TJAP1: variants seen among roughly 807,000 people sequenced by gnomAD.
TJAP1 encodes tight junction associated protein 1, also known as tight junction-associated protein 1.
TJAP1 carries 27 observed loss-of-function variants against 42.0 expected under a neutral mutation model. That is an observed-to-expected ratio of 0.64 (90% CI 0.47 to 0.89). The LOEUF (loss-of-function observed/expected upper bound fraction) is 0.89. Among genes scored for constraint, TJAP1 ranks in the 40% least tolerant of loss-of-function variants. The pLI is 0.00. For missense variants in TJAP1, 712 were observed against 726.9 expected (o/e 0.98, Z 0.24); for synonymous variants, 257 against 288.4 (o/e 0.89, Z 1.10).
chr6:43,499,950 C>T (rs951796818), intron 4 of TJAP1, among the ~76,000 whole-genome samples: 2 of 152,140 alleles, frequency 1.3e-5, no homozygotes, highest in South Asian at 2.1e-4. Flanking sequence ...AACTAAGGCT[C>T]GGTGAGGTGA....
Position 43,491,520 on chromosome 6 carries a change from C to T in TJAP1, c.-121-6361C>T, listed in dbSNP as rs1371148875. ...AGTCAGGCTGGTCTCGAACTCCCGA[C>T]CTCAGGTGATCTGCCCGCCTTGGCC... On this transcript the variant is annotated intron_variant, in intron 2 of 10. Coordinates refer to ENST00000372449, the Ensembl canonical transcript of TJAP1. This position sits in a 1 kb window ranked among gnomAD's most constrained non-coding sequence, Gnocchi z 4.6. Among the ~76,000 whole-genome samples the T allele has an allele frequency of 1.3e-5, 2 of 152,128 alleles. No individual in the cohort carries two copies. The highest frequency in any genetic ancestry group is 4.8e-5 in the African/African-American group (2 of 41,424).
intron 2 of TJAP1, among the ~76,000 whole-genome samples, chr6:43,496,725 C>T (rs563302586): frequency 3.9e-5 from 6 of 152,332 alleles, no homozygotes; most frequent in South Asian, 2.1e-4. Context: ...TGCTTTAGCC[C>T]GCAAGGCTTC....
intron 5 of TJAP1, 85 bp downstream of exon 5, chr6:43,500,857 T>A: frequency 1.3e-6 from 2 of 1,512,538 alleles, no homozygotes; most frequent in South Asian, 1.1e-5. Flanking sequence ...AGTTGGACTT[T>A]CCCTTGGATT....
At position 43,504,070 on chromosome 6, in the gene TJAP1, C is replaced by G. The variant is rs1008310712; in HGVS notation, c.579+364C>G. On this transcript the variant is annotated intron_variant, in intron 10 of 10. Coordinates refer to ENST00000372449, the Ensembl canonical transcript of TJAP1. The stretch of plus-strand genomic sequence containing the variant: ...AACTCTAGACCCCACAGCTTCAGGC[C>G]CAAGGTTTATGTGGCCTGCAGAAGT... 1.9e-5 allele frequency: 8 copies of G among 423,458 alleles called. 1 individual carries two copies. The Admixed American group carries it at 2.0e-4, about 11-fold the overall frequency. The allele number at this position is 423,458 out of a possible 1,614,324, so 26.2% of individuals were successfully genotyped here.
exon 11 of TJAP1, chr6:43,506,202 C>G: frequency 4.6e-6 from 1 of 218,972 alleles, no homozygotes; most frequent in Non-Finnish European, 8.9e-6. Flanking sequence ...TCCATCCTTT[C>G]ATAGTCACAA....
Position 43,498,970 on chromosome 6 carries a change from C to G in TJAP1, c.-24-8C>G. 6.2e-7 allele frequency: 1 copy of G among 1,611,230 alleles called. No homozygotes were observed. The highest frequency in any genetic ancestry group is 8.5e-7 in the Non-Finnish European group (1 of 1,179,292). ...CTCTGAGCCTGCCTCCTTCTTGCTT[C>G]TCAGCAGGCGGAGGAGCCGTCACCT... On this transcript the variant is annotated splice_region_variant and splice_polypyrimidine_tract_variant and intron_variant, in intron 3 of 10. Coordinates refer to ENST00000372449, the Ensembl canonical transcript of TJAP1.
chr6:43,494,528 C>G (rs78937406), intron 2 of TJAP1, among the ~76,000 whole-genome samples: 1 of 141,512 alleles, frequency 7.1e-6, no homozygotes, highest in Non-Finnish European at 1.5e-5. Flanking sequence ...GCTGTTCTTA[C>G]AGAACAGACC....
rs1452464218 is a variant in TJAP1 at position 43,478,076 on chromosome 6, C to T, written c.-267-11C>T. ...GAGGGAACTAAAGCCAGTCAAATGA[C>T]CCTCTTCTAGGCTTAGATCAGCCTT... On this transcript the variant is annotated splice_polypyrimidine_tract_variant and intron_variant, in intron 1 of 10. Transcript: ENST00000372449. The T allele has an allele frequency of 6.6e-6, 1 of 152,330 alleles. No individual in the cohort carries two copies. Among genetic ancestry groups the T allele is most frequent in the East Asian group, 1.9e-4 (1 of 5,178 alleles). 9.4% of individuals were successfully genotyped at this position (152,330 alleles called of 1,614,324 possible).
In TJAP1 at chr6:43,505,541, G is replaced by A. The variant is rs1481498392; in HGVS notation, c.1360G>A (p.Asp454Asn). Reference sequence around the variant, plus strand: ...TTTTGCCCATAGCCCCGCTGACAGAGATGAGGTGGTCCAGGCACCTTCTGC... The same window carrying A: ...TTTTGCCCATAGCCCCGCTGACAGAAATGAGGTGGTCCAGGCACCTTCTGC... Residue 454 changes from aspartate to asparagine, a missense_variant, in exon 11 of 11, where the codon GAT (aspartate) becomes AAT (asparagine). Physicochemically the swap from Asp to Asn is conservative, Grantham distance 23. This residue lies in a region of TJAP1 where 549 missense variants were observed against 528.2 expected (regional missense o/e 1.04). Coordinates refer to ENST00000372449, the Ensembl canonical transcript of TJAP1. This position sits in a 1 kb window ranked among gnomAD's most constrained non-coding sequence, Gnocchi z 5.5. The A allele has an allele frequency of 1.2e-6, 2 of 1,613,804 alleles. No homozygotes were observed. Among genetic ancestry groups the A allele is most frequent in the East Asian group, 2.2e-5 (1 of 44,900 alleles).
At chr6:43,488,052 G>A (rs1786950251) in intron 2 of TJAP1, among the ~76,000 whole-genome samples, 1 of 152,050 alleles carries the variant, frequency 6.6e-6, no homozygotes, top group African/African-American at 2.4e-5. Context: ...TGTATTTTTA[G>A]TAGAGACGGG....
rs532939574 is a variant in TJAP1 at position 43,495,474 on chromosome 6, C to T, written c.-121-2407C>T. Among the ~76,000 whole-genome samples the T allele has an allele frequency of 2.0e-5, 3 of 152,274 alleles. No individual in the cohort carries two copies. The South Asian group carries it at 6.2e-4, about 32-fold the overall frequency. On this transcript the variant is annotated intron_variant, in intron 2 of 10. Transcript: ENST00000372449. This position sits in a 1 kb window ranked among gnomAD's most constrained non-coding sequence, Gnocchi z 4.6. ...ACACCCTGTGTTTATGGACACAGGG[C>T]AGGAAGTGGTTGGTACACATCTCCC...
At chr6:43,500,881 G>A (rs1016469232) in intron 5 of TJAP1, 109 bp downstream of exon 5, 2 of 1,308,010 alleles carry the variant, frequency 1.5e-6, no homozygotes, top group South Asian at 1.2e-5. Flanking sequence ...TAGAAATAAA[G>A]GTTGGGATGG....
chr6:43,486,798 A>T (rs1318177059), intron 2 of TJAP1, among the ~76,000 whole-genome samples: 4 of 152,106 alleles, frequency 2.6e-5, no homozygotes, highest in Non-Finnish European at 5.9e-5. Context: ...AGTCCCATCT[A>T]GGCGTACTCA....
chr6:43,488,046 T>G (rs1230786341), intron 2 of TJAP1, among the ~76,000 whole-genome samples: 2 of 152,178 alleles, frequency 1.3e-5, no homozygotes, highest in Non-Finnish European at 2.9e-5. Context: ...ATTTTTTGTA[T>G]TTTTAGTAGA....
At chr6:43,501,948 CTCTCTCT>C (rs1790884710) in intron 6 of TJAP1, among the ~76,000 whole-genome samples, 1 of 147,016 alleles carries the variant, frequency 6.8e-6, no homozygotes, top group African/African-American at 2.5e-5. Flanking sequence ...CTCTCTCTCT[CTCTCTCT>C]CCTTTCATAG....
chr6:43,483,657 T>C (rs141971890), intron 2 of TJAP1, among the ~76,000 whole-genome samples: 154 of 152,348 alleles, frequency 1.0e-3, no homozygotes, highest in African/African-American at 3.6e-3. Context: ...AAGAATCTGA[T>C]TGTGGAGCTA....
At position 43,505,234 on chromosome 6, in the gene TJAP1, T is replaced by C. The variant is rs1335636556; in HGVS notation, c.1053T>C (p.Thr351=). The C allele has an allele frequency of 6.2e-7, 1 of 1,613,982 alleles. No homozygotes were observed. Among genetic ancestry groups the C allele is most frequent in the Non-Finnish European group, 8.5e-7 (1 of 1,179,964 alleles). Reference sequence around the variant, plus strand: ...GCAACAGCCCCCTGCCCAACTGCACTTACGCTACCCGCCAGGCCATTTCCC... The same window carrying C: ...GCAACAGCCCCCTGCCCAACTGCACCTACGCTACCCGCCAGGCCATTTCCC... Residue 351 remains threonine (T), a synonymous_variant, in exon 11 of 11, where the codon ACT becomes ACC. Transcript: ENST00000372449. This position sits in a 1 kb window ranked among gnomAD's most constrained non-coding sequence, Gnocchi z 5.5.
intron 8 of TJAP1, 105 bp downstream of exon 8, chr6:43,502,722 C>G (rs1056177369): frequency 9.5e-6 from 12 of 1,258,996 alleles, no homozygotes; most frequent in Admixed American, 2.0e-5. Context: ...TGAGTACACC[C>G]GCTCCTTTCT....
chr6:43,480,589 A>G (rs1488956201), intron 2 of TJAP1, among the ~76,000 whole-genome samples: 1 of 151,790 alleles, frequency 6.6e-6, no homozygotes, highest in African/African-American at 2.4e-5. Context: ...TGCTCTCCTC[A>G]CTGCAACCGC....
Sources: gnomAD v4.1 joint callset for allele counts (sites outside exome capture counted in the v4.1 genomes callset) on GRCh38, gnomAD v4.1.1 for gene constraint, gnomAD v4.1.1 regional missense constraint, Gnocchi (gnomAD v3.1) non-coding constraint, MANE v1.5 for transcripts, NCBI Gene and HGNC (gene_info 2026-07-23, HGNC 2026-07-21) for gene names.